Variants in RGS6 observed in about 807,000 individuals in gnomAD.
The protein encoded by RGS6 is regulator of G-protein signaling 6.
RGS6 carries 30 observed loss-of-function variants against 78.5 expected under a neutral mutation model. The ratio of observed to expected loss-of-function variants is 0.38; its 90% confidence interval spans 0.29 to 0.52. RGS6 has a LOEUF of 0.52. Among genes scored for constraint, RGS6 ranks in the 20% least tolerant of loss-of-function variants. The pLI is 0.85. For missense variants in RGS6, 495 were observed against 609.7 expected (o/e 0.81, Z 1.98); for synonymous variants, 206 against 206.0 (o/e 1.00, Z 0.00).
intron 2 of RGS6, among the ~76,000 whole-genome samples, chr14:72,137,339 A>G (rs1021250202): frequency 1.3e-5 from 2 of 151,802 alleles, no homozygotes; most frequent in African/African-American, 4.8e-5. Flanking sequence ...TTCTATTCTC[A>G]CCCGCCATTC....
chr14:71,963,672 C>T (rs2093346811), intron 1 of RGS6, among the ~76,000 whole-genome samples: 1 of 152,214 alleles, frequency 6.6e-6, no homozygotes, highest in African/African-American at 2.4e-5. Context: ...AAGGTTCATC[C>T]ACGTTGTAGT....
At chr14:72,145,968 T>A (rs1303916587) in intron 2 of RGS6, among the ~76,000 whole-genome samples, 2 of 152,232 alleles carry the variant, frequency 1.3e-5, no homozygotes, top group African/African-American at 4.8e-5. Context: ...CTGTTCTCTG[T>A]TACCTGAGAC....
chr14:71,969,889 T>G (rs550521835), intron 2 of RGS6, among the ~76,000 whole-genome samples: 5 of 152,196 alleles, frequency 3.3e-5, no homozygotes, highest in African/African-American at 1.2e-4. Flanking sequence ...TTCCCTGATA[T>G]CAAAACAATG....
chr14:72,152,891 G>T (rs1029263343), intron 2 of RGS6, among the ~76,000 whole-genome samples: 4 of 151,942 alleles, frequency 2.6e-5, no homozygotes, highest in African/African-American at 9.7e-5. Context: ...AATTTATTGG[G>T]TAAAAAGGAA....
chr14:72,402,388 A>G (rs528051779), intron 3 of RGS6, among the ~76,000 whole-genome samples: 4 of 152,226 alleles, frequency 2.6e-5, no homozygotes, highest in Non-Finnish European at 4.4e-5. Context: ...ATCAAAGACA[A>G]TGGTCTAACT....
chr14:72,242,369 C>T (rs1213832080), intron 2 of RGS6, among the ~76,000 whole-genome samples: 1 of 152,144 alleles, frequency 6.6e-6, no homozygotes, highest in African/African-American at 2.4e-5. Context: ...TTTTGGGAGG[C>T]TCTGCTATAG....
chr14:72,397,313 T>A (rs1474414670), intron 3 of RGS6, among the ~76,000 whole-genome samples: 2 of 152,080 alleles, frequency 1.3e-5, no homozygotes, highest in African/African-American at 2.4e-5. Flanking sequence ...TTGAAGCAAT[T>A]GTGAATGGGA....
At chr14:72,212,612 T>C (rs2044449950) in intron 2 of RGS6, among the ~76,000 whole-genome samples, 1 of 152,236 alleles carries the variant, frequency 6.6e-6, no homozygotes, top group South Asian at 2.1e-4. Flanking sequence ...TTCTGTGACA[T>C]CTCTCCCCTT....
chr14:72,402,249 A>G (rs11844081), intron 3 of RGS6, among the ~76,000 whole-genome samples: 6,103 of 152,270 alleles, frequency 0.04, 427 homozygotes, highest in African/African-American at 0.14. Context: ...TGGAGGAACA[A>G]ATAGAAGATA....
chr14:72,048,608 C>G (rs977946929), intron 2 of RGS6, among the ~76,000 whole-genome samples: 1 of 152,094 alleles, frequency 6.6e-6, no homozygotes, highest in African/African-American at 2.4e-5. Flanking sequence ...ATCAGGGGTT[C>G]TTAAAGGCTT....
intron 2 of RGS6, among the ~76,000 whole-genome samples, chr14:72,112,269 C>G (rs780496709): frequency 2.6e-5 from 4 of 152,162 alleles, no homozygotes; most frequent in African/African-American, 4.8e-5. Context: ...ATACCACTTA[C>G]GTTTGCATTT....
At chr14:71,921,402 G>A in the RGS6 span, among the ~76,000 whole-genome samples, 1 of 152,210 alleles carries the variant, frequency 6.6e-6, no homozygotes, top group Non-Finnish European at 1.5e-5. Flanking sequence ...TTTGTATTTT[G>A]AAGAGATAGC....
the RGS6 span, among the ~76,000 whole-genome samples, chr14:71,871,326 C>T: frequency 6.6e-6 from 1 of 152,202 alleles, no homozygotes; most frequent in Admixed American, 6.5e-5. Context: ...TAGAGGCCAA[C>T]AGAGACTATA....
At position 72,454,521 on chromosome 14, in the gene RGS6, G is replaced by A. The variant is rs528875370; in HGVS notation, c.185-7G>A. 82 of 1,613,934 alleles carry A rather than the reference G, an allele frequency of 5.1e-5. 1 individual carries two copies. The highest frequency in any genetic ancestry group is 3.3e-4 in the South Asian group (30 of 91,064). ...GGTCTTCAGCTGAAATTGCTTTATC[G>A]TTGCAGGTACTGACATTGTGCAGTG... On this transcript the variant is annotated splice_region_variant and splice_polypyrimidine_tract_variant and intron_variant, in intron 3 of 17. Transcript: ENST00000553525.
chr14:72,349,414 A>T (rs2078698618), intron 2 of RGS6, among the ~76,000 whole-genome samples: 1 of 152,156 alleles, frequency 6.6e-6, no homozygotes, highest in Admixed American at 6.5e-5. Context: ...ATAACACCCC[A>T]GTAGCCAGGC....
At chr14:72,612,687 A>G in the RGS6 span, 1 of 488,276 alleles carries the variant, frequency 2.0e-6, no homozygotes, top group African/African-American at 2.0e-5. Context: ...ACCCCATTCT[A>G]GCCATAAAAG....
At chr14:72,323,504 C>T (rs2072708747) in intron 2 of RGS6, among the ~76,000 whole-genome samples, 1 of 150,774 alleles carries the variant, frequency 6.6e-6, no homozygotes, top group Admixed American at 6.6e-5. Context: ...GGAAGCCCAA[C>T]CCAAAAGTTT....
chr14:72,369,761 A>T (rs897853563), intron 3 of RGS6, among the ~76,000 whole-genome samples: 8 of 152,206 alleles, frequency 5.3e-5, no homozygotes, highest in Non-Finnish European at 1.2e-4. Flanking sequence ...TCCAGGTCTA[A>T]TGTAGTTTAA....
At chr14:72,287,729 A>C (rs1268750856) in intron 2 of RGS6, among the ~76,000 whole-genome samples, 1 of 152,230 alleles carries the variant, frequency 6.6e-6, no homozygotes, top group Non-Finnish European at 1.5e-5. Flanking sequence ...AAGTGTTGGG[A>C]TTACAGGCAT....
Sources: gnomAD v4.1 joint callset for allele counts (sites outside exome capture counted in the v4.1 genomes callset) on GRCh38, gnomAD v4.1.1 for gene constraint, MANE v1.5 for transcripts, NCBI Gene and HGNC (gene_info 2026-07-23, HGNC 2026-07-21) for gene names.